Variants in LEPR observed in about 807,000 individuals in gnomAD.
LEPR encodes leptin receptor.
In LEPR, 56 loss-of-function variants were observed where a neutral mutation model predicts 114.7. The ratio of observed to expected loss-of-function variants is 0.49; its 90% CI spans 0.39 to 0.61. LEPR has a LOEUF of 0.61. Among genes scored for constraint, LEPR ranks in the 20% least tolerant of loss-of-function variants. The pLI, the probability that LEPR is intolerant of heterozygous loss-of-function variation, is 0.00. For missense variants in LEPR, 1,202 were observed against 1,352.9 expected, an observed-to-expected ratio of 0.89 and a Z score of 1.75; for synonymous variants, 443 against 461.4, an observed-to-expected ratio of 0.96 and a Z score of 0.51.
chr1:65,521,307 G>A lies in LEPR; in HGVS notation c.-20-44239G>A, dbSNP rs139569596. On this transcript the variant is annotated intron_variant, in intron 2 of 19. Coordinates refer to ENST00000349533, the MANE Select transcript of LEPR (RefSeq NM_002303.6). Reference sequence around the variant, plus strand: ...TTTTCTTTTTCTAAATGGAAAAAGGGTTAAGGCCTTTTGTCTGATCGAAAA... The same window carrying A: ...TTTTCTTTTTCTAAATGGAAAAAGGATTAAGGCCTTTTGTCTGATCGAAAA... Among the ~76,000 whole-genome samples, 1,282 of 152,322 alleles carry A rather than the reference G, an allele frequency of 8.4e-3. 13 individuals are homozygous for A. The highest frequency in any genetic ancestry group is 0.013 in the Non-Finnish European group (866 of 68,032).
chr1:65,494,495 C>T (rs1480569292), intron 2 of LEPR, among the ~76,000 whole-genome samples: 1 of 152,118 alleles, frequency 6.6e-6, no homozygotes, highest in African/African-American at 2.4e-5. Flanking sequence ...CTCTCTCCTC[C>T]ACTAGCATGT....
At chr1:65,629,842 C>G (rs557203321) in intron 19 of LEPR, among the ~76,000 whole-genome samples, 1 of 152,208 alleles carries the variant, frequency 6.6e-6, no homozygotes, top group Admixed American at 6.6e-5. Flanking sequence ...CCTCCTACTT[C>G]AATCAGGACT....
chr1:65,558,560 T>G (rs868211782), intron 2 of LEPR, among the ~76,000 whole-genome samples: 36 of 105,274 alleles, frequency 3.4e-4, no homozygotes, highest in African/African-American at 1.2e-3. Context: ...TTTTTTTTTT[T>G]TTTTATACTT....
chr1:65,539,289 T>G (rs1337799911), intron 2 of LEPR, among the ~76,000 whole-genome samples: 1 of 151,710 alleles, frequency 6.6e-6, no homozygotes, highest in East Asian at 1.9e-4. Context: ...GTGTCCCTGG[T>G]GGTTAGTTTC....
intron 2 of LEPR, among the ~76,000 whole-genome samples, chr1:65,472,774 G>C (rs1462863458): frequency 6.6e-6 from 1 of 152,140 alleles, no homozygotes; most frequent in Non-Finnish European, 1.5e-5. Flanking sequence ...CCGGCTTCTG[G>C]AAAGGATGTG....
intron 5 of LEPR, 53 bp from the exon 6 acceptor site, chr1:65,592,604 T>C: frequency 6.3e-7 from 1 of 1,591,868 alleles, no homozygotes; most frequent in South Asian, 1.1e-5. Context: ...TTTAAAAGCC[T>C]ATCCAGTATT....
At chr1:65,435,436 T>C (rs9436743) in intron 2 of LEPR, 434,163 of 628,538 alleles carry the variant, frequency 0.69, 151,300 homozygotes, top group Middle Eastern at 0.81. Flanking sequence ...GGTGCGATCT[T>C]GGCTCACTGC....
intron 19 of LEPR, chr1:65,626,172 A>T: frequency 6.2e-7 from 1 of 1,611,614 alleles, no homozygotes; most frequent in South Asian, 1.1e-5. Context: ...TTGACTTAGG[A>T]AATGCTTGTA....
chr1:65,636,974 C>T lies in LEPR; in HGVS notation c.3457C>T (p.His1153Tyr). 1 of 1,613,506 alleles carries T rather than the reference C, an allele frequency of 6.2e-7. No individual in the cohort carries two copies. The change falls in exon 20 of 20, where the codon CAT becomes TAT. Residue 1153 changes from histidine (H) to tyrosine (Y), a missense_variant. By Grantham distance (83) the His-to-Tyr change is moderately conservative (BLOSUM62 2). Transcript: ENST00000349533. ...PQFQTCSTQT[H>Y]KIMENKMCDL... ...ATTCCAAACTTGTTCTACTCAGACTCATAAGATCATGGAAAACAAGATGTG... is the reference window on the plus strand; with the variant it reads ...ATTCCAAACTTGTTCTACTCAGACTTATAAGATCATGGAAAACAAGATGTG...
intron 2 of LEPR, among the ~76,000 whole-genome samples, chr1:65,453,436 G>A (rs370206707): frequency 1.5e-4 from 22 of 151,702 alleles, no homozygotes; most frequent in African/African-American, 5.1e-4. Context: ...CATTTCCCTC[G>A]ACGCACTGCT....
At chr1:65,546,034 A>G (rs1319824151) in intron 2 of LEPR, among the ~76,000 whole-genome samples, 1 of 151,392 alleles carries the variant, frequency 6.6e-6, no homozygotes, top group Non-Finnish European at 1.5e-5. Flanking sequence ...ATGGCTAGCC[A>G]GTTTTCCCAG....
chr1:65,546,645 TG>T (rs1305234573), intron 2 of LEPR, among the ~76,000 whole-genome samples: 1 of 152,218 alleles, frequency 6.6e-6, no homozygotes, highest in East Asian at 1.9e-4. Flanking sequence ...TTGCGATTTT[TG>T]TACATTGATT....
chr1:65,618,464 T>A (rs1457640641), intron 16 of LEPR, among the ~76,000 whole-genome samples: 1 of 152,034 alleles, frequency 6.6e-6, no homozygotes, highest in African/African-American at 2.4e-5. Context: ...TAGCTGAGAC[T>A]ATAGACACAC....
At position 65,633,157 on chromosome 1, in the gene LEPR, G is replaced by C; in HGVS notation, c.2674-3034G>C. 2 of 1,591,674 alleles carry C rather than the reference G, an allele frequency of 1.3e-6. No individual in the cohort carries two copies. The highest frequency in any genetic ancestry group is 1.7e-6 in the Non-Finnish European group (2 of 1,161,784). On this transcript the variant is annotated intron_variant, in intron 19 of 19. Coordinates refer to ENST00000349533, the MANE Select transcript of LEPR (RefSeq NM_002303.6). The surrounding 1 kb of genome is among the most constrained non-coding windows in gnomAD (Gnocchi z 4.1). The stretch of plus-strand genomic sequence containing the variant: ...GTTTTATTTTATCTAAACAGAGAAC[G>C]GACATTCTTTGAAGTCTAATCATGA...
chr1:65,553,316 A>G (rs1453566440), intron 2 of LEPR, among the ~76,000 whole-genome samples: 10 of 152,202 alleles, frequency 6.6e-5, no homozygotes, highest in Admixed American at 2.0e-4. Flanking sequence ...GTGTTTTCCA[A>G]CTTGGTTCTG....
intron 2 of LEPR, among the ~76,000 whole-genome samples, chr1:65,497,256 C>T (rs1648211339): frequency 6.6e-6 from 1 of 152,138 alleles, no homozygotes; most frequent in African/African-American, 2.4e-5. Flanking sequence ...GTTTGAAGAG[C>T]TGACCCTGAA....
chr1:65,585,353 A>G (rs1655244328), intron 5 of LEPR, among the ~76,000 whole-genome samples: 1 of 152,066 alleles, frequency 6.6e-6, no homozygotes, highest in South Asian at 2.1e-4. Context: ...TCCTGTAATA[A>G]TTTAGCATAG....
intron 2 of LEPR, chr1:65,526,306 C>A (rs1261108257): frequency 1.0e-6 from 1 of 985,288 alleles, no homozygotes; most frequent in African/African-American, 1.7e-5. Context: ...CCCTTCCCTG[C>A]AAGCAAATTA....
rs3790439 is a variant in LEPR, at chr1:65,619,891, T to A, written c.2396-37T>A. On this transcript the variant is annotated intron_variant, in intron 16 of 19. Transcript: ENST00000349533. The stretch of plus-strand genomic sequence containing the variant: ...TATGTTCCACTCATTACTATTAATT[T>A]TGTATAAATGAGCCTTTTACGTATT... The A allele has an allele frequency of 0.41, 599,808 of 1,471,512 alleles. 129,980 individuals carry two copies. The highest frequency in any genetic ancestry group is 0.87 in the East Asian group (38,063 of 43,826). The allele number at this position is 1,471,512 out of a possible 1,614,324, so 91.2% of individuals were successfully genotyped here.
Sources: gnomAD v4.1 joint callset for allele counts (sites outside exome capture counted in the v4.1 genomes callset) on GRCh38, gnomAD v4.1.1 for gene constraint, Gnocchi (gnomAD v3.1) non-coding constraint, MANE v1.5 for transcripts, NCBI Gene and HGNC (gene_info 2026-07-23, HGNC 2026-07-21) for gene names.